PDE7B: variants seen among roughly 807,000 people sequenced by gnomAD.
PDE7B encodes 3',5'-cyclic-AMP phosphodiesterase 7B.
Under a neutral mutation model 56.2 loss-of-function variants are expected in PDE7B, and 29 were observed. The ratio of observed to expected loss-of-function variants is 0.52; its 90% CI spans 0.38 to 0.70. The LOEUF (loss-of-function observed/expected upper bound fraction) is 0.70, where lower values mean the gene tolerates loss of function less well. Ranked by LOEUF, PDE7B falls within the 30% of genes least tolerant of loss-of-function variation. The pLI is 0.00. For synonymous variants in PDE7B, 197 were observed against 196.9 expected, an observed-to-expected ratio of 1.00 and a Z score of 0.00; for missense variants, 490 against 565.0, an observed-to-expected ratio of 0.87 and a Z score of 1.35.
intron 3 of PDE7B, among the ~76,000 whole-genome samples, chr6:136,139,158 G>A (rs1383169958): frequency 3.3e-5 from 5 of 151,832 alleles, no homozygotes; most frequent in African/African-American, 7.3e-5. Flanking sequence ...TGTGATGTTC[G>A]CCCTCCTGTG....
At chr6:135,880,977 T>A (rs1775597984) in intron 1 of PDE7B, among the ~76,000 whole-genome samples, 1 of 151,988 alleles carries the variant, frequency 6.6e-6, no homozygotes, top group African/African-American at 2.4e-5. Flanking sequence ...TAGGCAAGAG[T>A]CATCTCAGGG....
chr6:136,135,833 G>C (rs1380052210), intron 3 of PDE7B, among the ~76,000 whole-genome samples: 2 of 152,192 alleles, frequency 1.3e-5, no homozygotes, highest in East Asian at 3.9e-4. Context: ...GTGAATCGAA[G>C]TGTTTAATAC....
At chr6:136,071,081 G>A (rs1185670279) in intron 2 of PDE7B, 1 of 152,100 alleles carries the variant, frequency 6.6e-6, no homozygotes, top group East Asian at 1.9e-4. Flanking sequence ...CAGAAGCCTT[G>A]ACTCCAGGAG....
chr6:136,183,084 A>AG (rs1583930478), intron 11 of PDE7B, among the ~76,000 whole-genome samples: 1 of 152,038 alleles, frequency 6.6e-6, no homozygotes, highest in East Asian at 1.9e-4. Flanking sequence ...AAAAAAAAAA[A>AG]AAAAAAACCC....
chr6:136,151,975 G>T (rs1261001818), intron 6 of PDE7B, among the ~76,000 whole-genome samples: 2 of 151,942 alleles, frequency 1.3e-5, no homozygotes, highest in African/African-American at 4.8e-5. Context: ...TGACAGGGAA[G>T]AGAAAATGTA....
intron 1 of PDE7B, among the ~76,000 whole-genome samples, chr6:135,896,050 T>C (rs535742658): frequency 3.3e-5 from 5 of 152,286 alleles, no homozygotes; most frequent in Admixed American, 6.5e-5. Flanking sequence ...ATATTTTGTG[T>C]GACTAGCTGC....
At chr6:136,091,647 G>A (rs1373927044) in intron 2 of PDE7B, among the ~76,000 whole-genome samples, 2 of 152,174 alleles carry the variant, frequency 1.3e-5, no homozygotes, top group East Asian at 3.9e-4. Context: ...TCAAACATAG[G>A]ATAAGCGATG....
intron 2 of PDE7B, among the ~76,000 whole-genome samples, chr6:136,048,543 A>G (rs547939197): frequency 5.3e-5 from 8 of 152,218 alleles, no homozygotes; most frequent in African/African-American, 1.9e-4. Flanking sequence ...GGGGTATAAA[A>G]TGAATCAGGG....
rs867483643 is a variant in PDE7B at position 136,038,191 on chromosome 6, C to T, written c.83-70540C>T. The T allele has an allele frequency of 2.3e-6, 3 of 1,297,632 alleles. No individual in the cohort carries two copies. In the African/African-American group the frequency reaches 4.6e-5, roughly 20 times the overall value. 80.4% of individuals were successfully genotyped at this position (1,297,632 alleles called of 1,614,324 possible). Reference sequence around the variant, plus strand: ...GGAAGAATTTCCCCTGTGGTAGCAGCAGCAGCAGCAGCAGAAGCAGAAACA... The same window carrying T: ...GGAAGAATTTCCCCTGTGGTAGCAGTAGCAGCAGCAGCAGAAGCAGAAACA... On this transcript the variant is annotated intron_variant, in intron 2 of 12. Transcript: ENST00000308191.
chr6:136,179,149 A>C lies in PDE7B; in HGVS notation c.948+8A>C. The C allele has an allele frequency of 2.5e-6, 4 of 1,613,082 alleles. No individual in the cohort carries two copies. The highest frequency in any genetic ancestry group is 2.2e-5 in the East Asian group (1 of 44,858). On this transcript the variant is annotated splice_region_variant and intron_variant, in intron 10 of 12. Transcript: ENST00000308191. ...AGGCACTTTATGCTTCAGGTAAACG[A>C]AACAATAAAAGCCATTCTTTTTGCT...
intron 2 of PDE7B, chr6:136,046,124 TTAAAA>T (rs1246627022): frequency 6.6e-6 from 1 of 151,580 alleles, no homozygotes; most frequent in African/African-American, 2.4e-5. Context: ...AGAAAATAAT[TTAAAA>T]AGAAAAGAAG....
In PDE7B at chr6:136,191,750, C is replaced by T. The variant is rs750803976; in HGVS notation, c.1263C>T (p.His421=). 8 of 1,602,956 alleles carry T rather than the reference C, an allele frequency of 5.0e-6. No homozygotes were observed. The African/African-American group carries it at 9.4e-5, about 19-fold the overall frequency. Residue 421 remains histidine (H), a synonymous_variant, in exon 13 of 13, where the codon CAC becomes CAT. Transcript: ENST00000308191. ...AQWKSLLPRQ[H]RSRGSSGSGP... ...GGAAGAGCCTGTTGCCCAGGCAGCA[C>T]AGAAGCAGGGGCAGCAGTGGCAGCG...
chr6:136,187,166 A>C, intron 12 of PDE7B, 50 bp downstream of exon 12: 78 of 878,202 alleles, frequency 8.9e-5, no homozygotes, highest in Non-Finnish European at 1.4e-4. Flanking sequence ...GGCACATCTC[A>C]CAAAAGTGAC....
At chr6:136,151,594 A>G (rs1268374828) in intron 6 of PDE7B, among the ~76,000 whole-genome samples, 1 of 152,196 alleles carries the variant, frequency 6.6e-6, no homozygotes, top group African/African-American at 2.4e-5. Context: ...CAGTTAATTA[A>G]CACATACTTT....
chr6:136,173,814 G>C lies in PDE7B; in HGVS notation c.729G>C (p.Glu243Asp). The change falls in exon 9 of 13, where the codon GAG becomes GAC. Residue 243 changes from glutamate to aspartate, a missense_variant. By Grantham distance (45) the Glu-to-Asp change is conservative. Transcript: ENST00000308191. ...CTTTCTAGAATATGTCTGTGCTGGAGAATCATCACTGGCGATCTACAATTG... is the reference window on the plus strand; with the variant it reads ...CTTTCTAGAATATGTCTGTGCTGGACAATCATCACTGGCGATCTACAATTG... ...ANLYQNMSVL[E>D]NHHWRSTIGM... The C allele has an allele frequency of 6.2e-7, 1 of 1,608,930 alleles. No individual in the cohort carries two copies.
At chr6:135,980,461 A>G (rs1165954814) in intron 2 of PDE7B, among the ~76,000 whole-genome samples, 1 of 151,402 alleles carries the variant, frequency 6.6e-6, no homozygotes, top group Admixed American at 6.6e-5. Context: ...TAAACTAAAG[A>G]GCTTCTGCAC....
intron 2 of PDE7B, among the ~76,000 whole-genome samples, chr6:135,958,659 A>G (rs886496696): frequency 6.6e-6 from 1 of 152,204 alleles, no homozygotes; most frequent in Non-Finnish European, 1.5e-5. Context: ...ATGTTGAAGT[A>G]TTAAATAAAT....
intron 2 of PDE7B, among the ~76,000 whole-genome samples, chr6:135,972,261 A>T (rs4377801): frequency 8.3e-6 from 1 of 120,446 alleles, no homozygotes; most frequent in Non-Finnish European, 1.8e-5. Context: ...AAAAAAAAAA[A>T]CCCAAAAAAC....
chr6:136,038,244 G>C, intron 2 of PDE7B: 1 of 1,300,498 alleles, frequency 7.7e-7, no homozygotes, highest in Non-Finnish European at 1.0e-6. Flanking sequence ...AGCAGCAGCA[G>C]CAGCACCACC....
Sources: gnomAD v4.1 joint callset for allele counts (sites outside exome capture counted in the v4.1 genomes callset) on GRCh38, gnomAD v4.1.1 for gene constraint, MANE v1.5 for transcripts, NCBI Gene and HGNC (gene_info 2026-07-23, HGNC 2026-07-21) for gene names.